UNC13B: variants seen among roughly 807,000 people sequenced by gnomAD.
UNC13B encodes protein unc-13 homolog B.
A neutral mutation model predicts 211.0 loss-of-function variants in UNC13B; 144 were observed. The ratio of observed to expected loss-of-function variants is 0.68; its 90% CI spans 0.60 to 0.78. UNC13B has a LOEUF of 0.78. Among genes scored for constraint, UNC13B ranks in the 30% least tolerant of loss-of-function variants. The pLI is 0.00. For synonymous variants in UNC13B, 709 were observed against 725.8 expected (o/e 0.98, Z 0.37); for missense variants, 1,777 against 2,002.0 (o/e 0.89, Z 2.14).
In UNC13B at chr9:35,400,425, C is replaced by T. The variant is rs150259776; in HGVS notation, c.12466C>T (p.Arg4156Cys). The T allele has an allele frequency of 1.5e-5, 25 of 1,612,934 alleles. No homozygotes were observed. The highest frequency in any genetic ancestry group is 1.6e-4 in the Middle Eastern group (1 of 6,076). ...TGACACTCTCATCAAGACCTTTGTG[C>T]GCTCGCAGACCACCCAAGGTAAGGC... is the stretch of plus-strand genomic sequence containing the variant. ...TTDTLIKTFV[R>C]SQTTQGSGVD... is the part of the protein sequence containing the mutation. Residue 4156 changes from arginine (R) to cysteine (C), a missense_variant, in exon 37 of 40, where the codon CGC (arginine) becomes TGC (cysteine). Transcript: ENST00000635942.
At chr9:35,392,471 G>A (rs978141158) in intron 26 of UNC13B, among the ~76,000 whole-genome samples, 1 of 152,164 alleles carries the variant, frequency 6.6e-6, no homozygotes, top group African/African-American at 2.4e-5. Context: ...CTTCGTGATT[G>A]TCAGAATATG....
At chr9:35,209,728 G>C (rs1426034417) in intron 1 of UNC13B, among the ~76,000 whole-genome samples, 1 of 152,176 alleles carries the variant, frequency 6.6e-6, no homozygotes, top group Non-Finnish European at 1.5e-5. Context: ...ATACATTGCT[G>C]CTGTTTTTCA....
At chr9:35,211,600 G>A (rs1004365637) in intron 1 of UNC13B, among the ~76,000 whole-genome samples, 2 of 152,268 alleles carry the variant, frequency 1.3e-5, no homozygotes, top group South Asian at 2.1e-4. Context: ...AGCAATATGA[G>A]TAGTAGTACT....
intron 1 of UNC13B, among the ~76,000 whole-genome samples, chr9:35,198,047 A>G (rs1823043003): frequency 6.6e-6 from 1 of 152,256 alleles, no homozygotes; most frequent in Non-Finnish European, 1.5e-5. Context: ...AGTTAAGGTA[A>G]TAATGTTAAC....
chr9:35,323,840 T>C (rs145155219), intron 11 of UNC13B, among the ~76,000 whole-genome samples: 63 of 152,272 alleles, frequency 4.1e-4, no homozygotes, highest in Non-Finnish European at 5.9e-5. Flanking sequence ...TACAGCCACC[T>C]TCCTTGTTGC....
At position 35,173,335 on chromosome 9, in the gene UNC13B, T is replaced by C. The variant is rs143168090; in HGVS notation, c.22+11030T>C. 2.6e-3 allele frequency among the ~76,000 whole-genome samples: 398 copies of C among 152,272 alleles called. 1 individual carries two copies. Among genetic ancestry groups the C allele is most frequent in the African/African-American group, 8.7e-3 (363 of 41,560 alleles). ...ATATAAACCTGTATGTCTACCTCAC[T>C]TCAGCCCTCCATTCCCACAATTACA... On this transcript the variant is annotated intron_variant, in intron 1 of 39. Coordinates refer to ENST00000635942, the MANE Select transcript of UNC13B (RefSeq NM_001371189.2).
chr9:35,242,472 C>T (rs964654505), intron 5 of UNC13B, among the ~76,000 whole-genome samples: 3 of 152,130 alleles, frequency 2.0e-5, no homozygotes, highest in African/African-American at 2.4e-5. Context: ...CCACTGGCAA[C>T]GACCATTCTT....
chr9:35,368,271 C>T (rs780923838), intron 12 of UNC13B, among the ~76,000 whole-genome samples: 4 of 152,170 alleles, frequency 2.6e-5, no homozygotes, highest in Admixed American at 1.3e-4. Context: ...CATGTGTTCT[C>T]ATCATTTAGC....
chr9:35,360,156 C>A (rs72725034), intron 11 of UNC13B, among the ~76,000 whole-genome samples: 3 of 152,214 alleles, frequency 2.0e-5, no homozygotes, highest in African/African-American at 4.8e-5. Flanking sequence ...TCAGTGAGGC[C>A]GCCCTAACAA....
chr9:35,309,986 C>T (rs1319150425), intron 9 of UNC13B, among the ~76,000 whole-genome samples: 4 of 152,068 alleles, frequency 2.6e-5, no homozygotes, highest in East Asian at 3.9e-4. Flanking sequence ...AAGGTACAGG[C>T]GTACACATTT....
At chr9:35,389,142 A>T (rs1400926051) in intron 24 of UNC13B, among the ~76,000 whole-genome samples, 4 of 151,918 alleles carry the variant, frequency 2.6e-5, no homozygotes, top group African/African-American at 7.3e-5. Context: ...TGTGTGTTCC[A>T]CCCTCCCTGT....
chr9:35,207,772 A>G (rs1413267023), intron 1 of UNC13B, among the ~76,000 whole-genome samples: 1 of 152,180 alleles, frequency 6.6e-6, no homozygotes, highest in African/African-American at 2.4e-5. Flanking sequence ...CTTATTAGAT[A>G]TATTACTTGC....
intron 1 of UNC13B, among the ~76,000 whole-genome samples, chr9:35,184,523 C>T (rs1033415051): frequency 3.9e-5 from 6 of 152,172 alleles, no homozygotes; most frequent in African/African-American, 1.2e-4. Context: ...GCCCGGTCAA[C>T]AGGGCGAAAC....
intron 1 of UNC13B, among the ~76,000 whole-genome samples, chr9:35,223,159 A>T (rs1824652711): frequency 6.6e-6 from 1 of 152,142 alleles, no homozygotes; most frequent in African/African-American, 2.4e-5. Context: ...AAACATGGGG[A>T]TGCTAATATC....
rs549111622 is a variant in UNC13B, at chr9:35,399,661, C to T, written c.12268C>T (p.Arg4090Ter). The stretch of plus-strand genomic sequence containing the variant: ...TTTCTCTGAACAGGATCACATGGTA[C>T]GAGAGGAAACACGGAATCTCACTCC... Reference protein sequence around the residue: ...HLSKLKDHMVREETRNLTPKQ... With the variant: ...HLSKLKDHMV Residue 4090 changes from arginine (R) to a stop codon, truncating the protein, a stop_gained, in exon 36 of 40, where the codon CGA becomes TGA. Coordinates refer to ENST00000635942, the MANE Select transcript of UNC13B (RefSeq NM_001371189.2). LOFTEE classifies it high-confidence loss of function. 40 of 1,614,080 alleles carry T rather than the reference C, an allele frequency of 2.5e-5. No homozygotes were observed. The highest frequency in any genetic ancestry group is 3.1e-5 in the Non-Finnish European group (37 of 1,180,016).
chr9:35,208,727 G>A (rs1324667801), intron 1 of UNC13B, among the ~76,000 whole-genome samples: 4 of 152,154 alleles, frequency 2.6e-5, no homozygotes, highest in African/African-American at 4.8e-5. Flanking sequence ...AAGCTTTCAT[G>A]AGAACTCCAC....
In UNC13B at chr9:35,273,136, A is replaced by G. The variant is rs547002920; in HGVS notation, c.526+14086A>G. On this transcript the variant is annotated intron_variant, in intron 7 of 39. Transcript: ENST00000635942. ...GCATAACCCAACATATTGTTTAAAA[A>G]TTTTCTTGAAGAATGAATCAGTTCA... Among the ~76,000 whole-genome samples the G allele has an allele frequency of 5.3e-5, 8 of 152,330 alleles. No individual in the cohort carries two copies. The East Asian group carries it at 1.5e-3, about 29-fold the overall frequency.
At chr9:35,201,733 T>A (rs1823304984) in intron 1 of UNC13B, among the ~76,000 whole-genome samples, 1 of 152,210 alleles carries the variant, frequency 6.6e-6, no homozygotes, top group Non-Finnish European at 1.5e-5. Context: ...TCTTTTCTTC[T>A]TTATTAGTCT....
At chr9:35,189,289 G>A (rs1822522753) in intron 1 of UNC13B, among the ~76,000 whole-genome samples, 1 of 152,202 alleles carries the variant, frequency 6.6e-6, no homozygotes, top group Non-Finnish European at 1.5e-5. Flanking sequence ...TGTTTAGTAA[G>A]TGTTTTTAAT....
Sources: allele counts gnomAD v4.1 joint callset (sites outside exome capture counted in the v4.1 genomes callset), GRCh38; gene constraint gnomAD v4.1.1; transcripts MANE v1.5; gene names NCBI Gene and HGNC (gene_info 2026-07-23, HGNC 2026-07-21).